Variants in ZNF469 observed in about 807,000 individuals in gnomAD.
The protein encoded by ZNF469 is zinc finger protein 469.
In ZNF469, 1 loss-of-function variant was observed where a neutral mutation model predicts 1.0. That is an observed-to-expected ratio of 1.00 (90% CI 0.35 to 4.73). The LOEUF (loss-of-function observed/expected upper bound fraction) is 4.73, where lower values mean the gene tolerates loss of function less well. Ranked by LOEUF, ZNF469 falls within the 30% of genes most tolerant of loss-of-function variation. The probability of loss-of-function intolerance (pLI) is 0.16; values close to 1 mark genes in which losing one functional copy is unlikely to be tolerated. For missense variants in ZNF469, 6,100 were observed against 5,356.3 expected, an observed-to-expected ratio of 1.14 and a Z score of -4.33; for synonymous variants, 2,703 against 2,363.4, an observed-to-expected ratio of 1.14 and a Z score of -4.17.
the ZNF469 span, among the ~76,000 whole-genome samples, chr16:88,200,344 G>T: frequency 1.2e-4 from 18 of 152,328 alleles, no homozygotes; most frequent in East Asian, 3.5e-3. Context: ...GGGTTGCTTG[G>T]ACAGAAGCCT....
At chr16:88,246,010 G>T in the ZNF469 span, among the ~76,000 whole-genome samples, 1 of 152,282 alleles carries the variant, frequency 6.6e-6, no homozygotes, top group Admixed American at 6.5e-5. Flanking sequence ...ATCCGCCTGG[G>T]CGCCATGCAA....
chr16:88,350,062 C>T, the ZNF469 span, among the ~76,000 whole-genome samples: 5 of 152,168 alleles, frequency 3.3e-5, no homozygotes, highest in Non-Finnish European at 4.4e-5. Context: ...CCAGCTTCTG[C>T]CATGGCCCAG....
the ZNF469 span, among the ~76,000 whole-genome samples, chr16:88,152,829 C>A: frequency 1.7e-4 from 26 of 152,324 alleles, no homozygotes; most frequent in African/African-American, 5.5e-4. This position sits in a 1 kb window ranked among gnomAD's most constrained non-coding sequence, Gnocchi z 4.2. Context: ...GTGTTTCTGA[C>A]ACAAACCGCT....
the ZNF469 span, among the ~76,000 whole-genome samples, chr16:88,269,349 C>T: frequency 2.6e-5 from 4 of 152,042 alleles, no homozygotes; most frequent in African/African-American, 4.8e-5. Context: ...TGGGTGCACC[C>T]GGACGGCCGG....
the ZNF469 span, among the ~76,000 whole-genome samples, chr16:88,210,567 A>G: frequency 3.9e-5 from 6 of 152,350 alleles, no homozygotes; most frequent in East Asian, 9.6e-4. Context: ...TTTTTTACAT[A>G]TAGATCTCTA....
the ZNF469 span, among the ~76,000 whole-genome samples, chr16:88,273,805 T>TA: frequency 2.9e-5 from 1 of 33,956 alleles, no homozygotes; most frequent in African/African-American, 1.1e-4. Context: ...CTGTGGAATA[T>TA]TTTTTTTTTT....
At chr16:88,185,490 G>T in the ZNF469 span, among the ~76,000 whole-genome samples, 1 of 148,082 alleles carries the variant, frequency 6.8e-6, no homozygotes, top group Non-Finnish European at 1.5e-5. Flanking sequence ...ACACTCACAT[G>T]ACTATAATAC....
chr16:88,306,106 G>T, the ZNF469 span, among the ~76,000 whole-genome samples: 1 of 152,266 alleles, frequency 6.6e-6, no homozygotes, highest in Admixed American at 6.5e-5. Flanking sequence ...CAGGTGTGTT[G>T]TGGGCCTAAG....
chr16:88,134,337 T>A, the ZNF469 span, among the ~76,000 whole-genome samples: 2 of 152,230 alleles, frequency 1.3e-5, no homozygotes, highest in African/African-American at 4.8e-5. Flanking sequence ...GGCAAACGTT[T>A]ACGAACCACG....
chr16:88,193,063 GTGA>G, the ZNF469 span, among the ~76,000 whole-genome samples: 1 of 106,388 alleles, frequency 9.4e-6, no homozygotes, highest in African/African-American at 3.5e-5. Flanking sequence ...GGTGATGGTG[GTGA>G]TGGTGGTGGT....
chr16:88,244,786 A>G, the ZNF469 span, among the ~76,000 whole-genome samples: 3 of 140,060 alleles, frequency 2.1e-5, no homozygotes, highest in Admixed American at 1.4e-4. Context: ...TAAAACAGTC[A>G]CCTAAGTTTG....
At chr16:88,187,120 C>T in the ZNF469 span, among the ~76,000 whole-genome samples, 1 of 152,114 alleles carries the variant, frequency 6.6e-6, no homozygotes, top group Non-Finnish European at 1.5e-5. Flanking sequence ...CAGGTCAGGA[C>T]TAGCTGAGGT....
chr16:88,348,562 G>A, the ZNF469 span, among the ~76,000 whole-genome samples: 11 of 152,324 alleles, frequency 7.2e-5, no homozygotes, highest in South Asian at 6.2e-4. Context: ...TTGCCCACAC[G>A]GGGGAGCTGT....
the ZNF469 span, among the ~76,000 whole-genome samples, chr16:88,129,280 C>T: frequency 5.3e-5 from 8 of 152,158 alleles, no homozygotes; most frequent in Non-Finnish European, 1.0e-4. Flanking sequence ...AGGGTCGTCT[C>T]GGCCTCTGGT....
the ZNF469 span, among the ~76,000 whole-genome samples, chr16:88,253,025 A>G: frequency 6.6e-6 from 1 of 152,156 alleles, no homozygotes; most frequent in Non-Finnish European, 1.5e-5. Context: ...GCTGTTGTGT[A>G]TTTCAGTGGC....
chr16:88,428,480 G>C lies in ZNF469; in HGVS notation c.1010G>C (p.Cys337Ser). Reference sequence around the variant, plus strand: ...CAGCCTGCGCCCTCACCCCTGCCCTGCTACCAGGGCCAGCCAGGTGGCCTG... The same window carrying C: ...CAGCCTGCGCCCTCACCCCTGCCCTCCTACCAGGGCCAGCCAGGTGGCCTG... ...PTQPAPSPLP[C>S]YQGQPGGLNR... Residue 337 changes from cysteine (C) to serine (S), a missense_variant, in exon 3 of 3, where the codon TGC becomes TCC. Coordinates refer to ENST00000565624, the MANE Select transcript of ZNF469 (RefSeq NM_001367624.2). 1 of 1,549,302 alleles carries C rather than the reference G, an allele frequency of 6.5e-7. No homozygotes were observed. The highest frequency in any genetic ancestry group is 2.4e-5 in the East Asian group (1 of 40,906).
chr16:88,436,368 C>T lies in ZNF469; in HGVS notation c.8898C>T (p.Ser2966=). ...TCAGCCTGTGGGCCCTGGAGCCCAG[C>T]AGGGAAGCTGGTGCAGAGAAGCTGC... The part of the protein sequence containing the change: ...PGLSLWALEP[S]REAGAEKLPS... The change falls in exon 3 of 3, where the codon AGC becomes AGT. Residue 2966 remains serine (S), a synonymous_variant. Transcript: ENST00000565624. 1.3e-6 allele frequency: 2 copies of T among 1,550,120 alleles called. No homozygotes were observed. Among genetic ancestry groups the T allele is most frequent in the Non-Finnish European group, 8.7e-7 (1 of 1,146,872 alleles).
At chr16:88,409,651 A>C (rs895397288) in intron 1 of ZNF469, among the ~76,000 whole-genome samples, 1 of 152,186 alleles carries the variant, frequency 6.6e-6, no homozygotes, top group South Asian at 2.1e-4. Flanking sequence ...GAGCGTGTGC[A>C]CTCACAGACA....
chr16:88,185,313 TCACA>T, the ZNF469 span, among the ~76,000 whole-genome samples: 1 of 151,920 alleles, frequency 6.6e-6, no homozygotes, highest in Non-Finnish European at 1.5e-5. Context: ...ACTCTCACAG[TCACA>T]CATTCACATA....
Sources: allele counts gnomAD v4.1 joint callset (sites outside exome capture counted in the v4.1 genomes callset), GRCh38; gene constraint gnomAD v4.1.1; non-coding constraint Gnocchi (gnomAD v3.1); transcripts MANE v1.5; gene names NCBI Gene and HGNC (gene_info 2026-07-23, HGNC 2026-07-21).